The following ZNF521 variants were observed in gnomAD, a reference collection of about 807,000 sequenced individuals.
The protein encoded by ZNF521 is LYST-interacting protein 3.
In ZNF521, 14 loss-of-function variants were observed where a neutral mutation model predicts 105.5. That is an observed-to-expected ratio of 0.13 (90% CI 0.09 to 0.21). The LOEUF (loss-of-function observed/expected upper bound fraction) is 0.21. Ranked by LOEUF, ZNF521 falls within the 10% of genes least tolerant of loss-of-function variation. ZNF521 has a pLI of 1.00. For synonymous variants in ZNF521, 635 were observed against 606.0 expected (o/e 1.05, Z -0.70); for missense variants, 1,233 against 1,629.7 (o/e 0.76, Z 4.19).
At chr18:25,166,972 A>C (rs1600110526) in intron 5 of ZNF521, among the ~76,000 whole-genome samples, 1 of 152,222 alleles carries the variant, frequency 6.6e-6, no homozygotes, top group African/African-American at 2.4e-5. Flanking sequence ...TCATTAACTA[A>C]TAATAAACTT....
chr18:25,265,015 A>G (rs1324540826), intron 3 of ZNF521, among the ~76,000 whole-genome samples: 2 of 152,232 alleles, frequency 1.3e-5, no homozygotes, highest in Non-Finnish European at 2.9e-5. Flanking sequence ...GGGAAAAATA[A>G]ACAGCTTCAT....
intron 3 of ZNF521, among the ~76,000 whole-genome samples, chr18:25,319,155 TGA>T (rs1482061016): frequency 1.3e-5 from 2 of 152,020 alleles, no homozygotes; most frequent in Non-Finnish European, 2.9e-5. Flanking sequence ...ATCAATACAA[TGA>T]GAGTAATGAA....
chr18:25,085,408 AAG>A (rs1166952270), intron 7 of ZNF521, among the ~76,000 whole-genome samples: 2 of 151,996 alleles, frequency 1.3e-5, no homozygotes, highest in African/African-American at 4.8e-5. Flanking sequence ...TCATAGAAAT[AAG>A]GGCTTCATCT....
chr18:25,252,790 G>A lies in ZNF521; in HGVS notation c.221-25093C>T, dbSNP rs537296234. ...TCACATTAACTTCAAACCCCATAGC[G>A]CATCCATAATGTGCTAGAAATGCTT... is the stretch of plus-strand genomic sequence containing the variant. On this transcript the variant is annotated intron_variant, in intron 3 of 7. Transcript: ENST00000361524. Among the ~76,000 whole-genome samples the A allele has an allele frequency of 1.7e-4, 26 of 152,146 alleles. 1 individual carries two copies. In the South Asian group the frequency reaches 5.0e-3, roughly 29 times the overall value.
At position 25,224,833 on chromosome 18, in the gene ZNF521, C is replaced by G; in HGVS notation, c.3085G>C (p.Val1029Leu). The G allele has an allele frequency of 6.2e-7, 1 of 1,614,080 alleles. No homozygotes were observed. The highest frequency in any genetic ancestry group is 8.5e-7 in the Non-Finnish European group (1 of 1,180,026). ...GFRCVVCMQT[V>L]TSTLELKIHG... ...ATTTTGAGTTCCAAGGTGGAGGTCACTGTCTGCATGCACACCACGCAGCGA... is the reference window on the plus strand; with the variant it reads ...ATTTTGAGTTCCAAGGTGGAGGTCAGTGTCTGCATGCACACCACGCAGCGA... The change falls in exon 4 of 8, where the codon GTG becomes CTG. Residue 1029 changes from valine (V) to leucine (L), a missense_variant. Physicochemically the swap from Val to Leu is conservative, Grantham distance 32. This residue lies in a region of ZNF521 where 614 missense variants were observed against 751.5 expected (regional missense o/e 0.82). Transcript: ENST00000361524.
Position 25,179,116 on chromosome 18 carries a change from C to CTT in ZNF521, c.3658+16042_3658+16043dup, listed in dbSNP as rs1175859497. ...GACTTATACTTCTTTTTCTTTATTC[C>CTT]TTTTTTTTTTTTTTTTTTTTTTTTT... On this transcript the variant is annotated intron_variant, in intron 5 of 7. Transcript: ENST00000361524. Among the ~76,000 whole-genome samples the CTT allele has an allele frequency of 8.6e-3, 452 of 52,480 alleles. 96 individuals carry two copies. Among genetic ancestry groups the CTT allele is most frequent in the Middle Eastern group, 0.017 (1 of 60 alleles). 34.4% of individuals were successfully genotyped at this position (52,480 alleles called of 152,430 possible). A position where few individuals can be genotyped will look rare whatever the true frequency, so the allele number is the denominator to read the frequency against.
intron 5 of ZNF521, among the ~76,000 whole-genome samples, chr18:25,101,904 C>T (rs146367348): frequency 4.7e-4 from 71 of 152,058 alleles, no homozygotes; most frequent in African/African-American, 1.3e-3. Flanking sequence ...CAGCCAACTA[C>T]GTTACCACTA....
At chr18:25,070,719 G>A (rs1405955249) in intron 7 of ZNF521, among the ~76,000 whole-genome samples, 2 of 151,910 alleles carry the variant, frequency 1.3e-5, no homozygotes, top group African/African-American at 4.8e-5. Context: ...CTTCCCAGTT[G>A]TGACAAGCAG....
At chr18:25,130,221 T>C (rs1202669291) in intron 5 of ZNF521, among the ~76,000 whole-genome samples, 6 of 152,254 alleles carry the variant, frequency 3.9e-5, no homozygotes, top group African/African-American at 1.4e-4. Flanking sequence ...ATATTGTAAG[T>C]AAAAGAAGCC....
At chr18:25,156,710 T>G (rs571090917) in intron 5 of ZNF521, among the ~76,000 whole-genome samples, 13 of 152,234 alleles carry the variant, frequency 8.5e-5, no homozygotes, top group African/African-American at 3.1e-4. Flanking sequence ...TATGTTACAT[T>G]TAAAAATACC....
At chr18:25,295,954 A>G (rs1219465040) in intron 3 of ZNF521, among the ~76,000 whole-genome samples, 1 of 152,196 alleles carries the variant, frequency 6.6e-6, no homozygotes, top group African/African-American at 2.4e-5. Context: ...AACACTTACA[A>G]TTGTCACACT....
intron 3 of ZNF521, among the ~76,000 whole-genome samples, chr18:25,291,140 T>C (rs1213688393): frequency 1.3e-5 from 2 of 152,132 alleles, no homozygotes; most frequent in African/African-American, 4.8e-5. Context: ...TGATAAGAAA[T>C]GGAGGTTCTT....
chr18:25,073,881 C>A (rs924155388), intron 7 of ZNF521, among the ~76,000 whole-genome samples: 4 of 151,162 alleles, frequency 2.6e-5, no homozygotes, highest in Non-Finnish European at 5.9e-5. Flanking sequence ...AGAAAAACAT[C>A]TTTCCCCACC....
At chr18:25,173,914 A>T (rs1201794470) in intron 5 of ZNF521, among the ~76,000 whole-genome samples, 1 of 152,196 alleles carries the variant, frequency 6.6e-6, no homozygotes, top group Non-Finnish European at 1.5e-5. Flanking sequence ...GTAAAATATC[A>T]TTATTCTCAA....
At chr18:25,068,608 G>C (rs1330338203) in intron 7 of ZNF521, among the ~76,000 whole-genome samples, 1 of 151,752 alleles carries the variant, frequency 6.6e-6, no homozygotes, top group Non-Finnish European at 1.5e-5. Context: ...CCCTGTGCTC[G>C]GGCATATAGC....
chr18:25,198,498 T>A (rs992740744), intron 4 of ZNF521, among the ~76,000 whole-genome samples: 1 of 151,780 alleles, frequency 6.6e-6, no homozygotes, highest in Non-Finnish European at 1.5e-5. Context: ...AAAAGTAATT[T>A]AAAATAATAA....
chr18:25,083,124 C>T (rs148093002), intron 7 of ZNF521, among the ~76,000 whole-genome samples: 23 of 152,218 alleles, frequency 1.5e-4, no homozygotes, highest in African/African-American at 4.3e-4. Flanking sequence ...GCCACACCTC[C>T]GTAATTGGAT....
Position 25,116,889 on chromosome 18 carries a change from GTA to G in ZNF521, c.3659-24810_3659-24809del, listed in dbSNP as rs1273205110. On this transcript the variant is annotated intron_variant, in intron 5 of 7. Coordinates refer to ENST00000361524, the MANE Select transcript of ZNF521 (RefSeq NM_015461.3). ...TATATACGTATATATATATATATAC[GTA>G]TATATATATGTGTATATATACGTAT... is the stretch of plus-strand genomic sequence containing the variant. Among the ~76,000 whole-genome samples the G allele has an allele frequency of 8.6e-3, 390 of 45,132 alleles. 2 individuals are homozygous for G. The highest frequency in any genetic ancestry group is 0.017 in the African/African-American group (356 of 21,404). 29.6% of individuals were successfully genotyped at this position (45,132 alleles called of 152,430 possible). A position where few individuals can be genotyped will look rare whatever the true frequency, so the allele number is the denominator to read the frequency against.
chr18:25,326,819 G>C (rs560573789), intron 2 of ZNF521, among the ~76,000 whole-genome samples: 1 of 152,316 alleles, frequency 6.6e-6, no homozygotes, highest in African/African-American at 2.4e-5. Context: ...ACTGGCAAGA[G>C]ATGAATGAAC....
Sources: allele counts gnomAD v4.1 joint callset (sites outside exome capture counted in the v4.1 genomes callset), GRCh38; gene constraint gnomAD v4.1.1; regional missense constraint gnomAD v4.1.1; transcripts MANE v1.5; gene names NCBI Gene and HGNC (gene_info 2026-07-23, HGNC 2026-07-21).